GLI2: variants seen among roughly 807,000 people sequenced by gnomAD.
GLI2 encodes the protein transcription activator GLI2.
A neutral mutation model predicts 78.9 loss-of-function variants in GLI2; 22 were observed. The ratio of observed to expected loss-of-function variants is 0.28; its 90% CI spans 0.20 to 0.40. The LOEUF (loss-of-function observed/expected upper bound fraction) is 0.40, where lower values mean the gene tolerates loss of function less well. Among genes scored for constraint, GLI2 ranks in the 10% least tolerant of loss-of-function variants. The probability of loss-of-function intolerance (pLI) is 1.00; values close to 1 mark genes in which losing one functional copy is unlikely to be tolerated. For missense variants in GLI2, 2,097 were observed against 2,213.2 expected (o/e 0.95, Z 1.05); for synonymous variants, 974 against 963.7 (o/e 1.01, Z -0.20).
chr2:120,819,461 A>G (rs1265247842), intron 2 of GLI2, among the ~76,000 whole-genome samples: 1 of 151,884 alleles, frequency 6.6e-6, no homozygotes, highest in Non-Finnish European at 1.5e-5. Flanking sequence ...GCTGGTCTCG[A>G]ACTCCTGACC....
chr2:120,856,164 G>A (rs35651070), intron 2 of GLI2, among the ~76,000 whole-genome samples: 19,871 of 152,124 alleles, frequency 0.13, 1,434 homozygotes, highest in Non-Finnish European at 0.16. Context: ...TGTCCATCCC[G>A]CACTTATTTT....
intron 2 of GLI2, among the ~76,000 whole-genome samples, chr2:120,887,677 G>C (rs1025702464): frequency 5.3e-5 from 8 of 152,218 alleles, no homozygotes; most frequent in Non-Finnish European, 1.0e-4. Context: ...CCATTATCCC[G>C]GAGCGGGGTG....
At chr2:120,984,830 C>T in intron 12 of GLI2, 87 bp downstream of exon 12, 1 of 1,401,420 alleles carries the variant, frequency 7.1e-7, no homozygotes, top group Non-Finnish European at 9.9e-7. Flanking sequence ...GGGCTCTGCC[C>T]TAAGGCCCCC....
At position 120,845,774 on chromosome 2, in the gene GLI2, AAT is replaced by A. The variant is rs569064508; in HGVS notation, c.148+48309_148+48310del. On this transcript the variant is annotated intron_variant, in intron 2 of 13. Transcript: ENST00000361492. ...TCTGTGGCAAATCATCCACTTAGTA[AAT>A]ATTCATTACTTATTAGGTTCCAGGT... 2.4e-3 allele frequency among the ~76,000 whole-genome samples: 372 copies of A among 152,234 alleles called. 4 individuals are homozygous for A. Among genetic ancestry groups the A allele is most frequent in the African/African-American group, 8.5e-3 (354 of 41,544 alleles).
intron 10 of GLI2, among the ~76,000 whole-genome samples, chr2:120,982,445 T>C (rs919207977): frequency 3.0e-4 from 24 of 80,718 alleles, no homozygotes; most frequent in African/African-American, 1.0e-3. Flanking sequence ...TTTAAAGACA[T>C]GTGGAGATGA....
chr2:120,768,361 C>T (rs4848625), intron 1 of GLI2, among the ~76,000 whole-genome samples: 50,221 of 152,108 alleles, frequency 0.33, 9,892 homozygotes, highest in African/African-American at 0.55. Flanking sequence ...GCTCTGCTTG[C>T]AGGGACTTTC....
chr2:120,980,967 G>GCATC (rs1161623456), intron 10 of GLI2, among the ~76,000 whole-genome samples: 4 of 151,536 alleles, frequency 2.6e-5, no homozygotes, highest in African/African-American at 9.7e-5. Context: ...TGCAACATCC[G>GCATC]CATCCCAGGT....
chr2:120,828,739 C>T (rs1343832496), intron 2 of GLI2, among the ~76,000 whole-genome samples: 1 of 151,730 alleles, frequency 6.6e-6, no homozygotes, highest in Non-Finnish European at 1.5e-5. Context: ...TAAAGCTCTC[C>T]TCCAAACAAA....
At chr2:120,852,463 C>G (rs1164026315) in intron 2 of GLI2, among the ~76,000 whole-genome samples, 1 of 152,150 alleles carries the variant, frequency 6.6e-6, no homozygotes, top group Non-Finnish European at 1.5e-5. Context: ...GACAGGACCC[C>G]CAGATGATAT....
chr2:120,986,239 A>T, intron 12 of GLI2, 39 bp from the exon 13 acceptor site: 1 of 1,572,970 alleles, frequency 6.4e-7, no homozygotes, highest in East Asian at 2.2e-5. Context: ...GGAATCTGAT[A>T]CCCTCTGAGT....
intron 1 of GLI2, among the ~76,000 whole-genome samples, chr2:120,773,494 G>C (rs1279489191): frequency 6.6e-6 from 1 of 152,216 alleles, no homozygotes; most frequent in Non-Finnish European, 1.5e-5. Flanking sequence ...TGTTGGCCTT[G>C]TCCCTGCTTT....
rs777942225 is a variant in GLI2 at position 120,990,312 on chromosome 2, C to T, written c.4347C>T (p.Cys1449=). Residue 1449 remains cysteine, a synonymous_variant, in exon 14 of 14, where the codon TGC becomes TGT. Transcript: ENST00000361492. ...QDGGLENLGS[C]QVMRSQPPQP... is the part of the protein sequence containing the mutation. ...GAGGCCTGGAGAACCTCGGGAGCTG[C>T]CAGGTCATGCGGTCCCAGCCACCAC... 2.1e-5 allele frequency: 34 copies of T among 1,613,788 alleles called. No individual in the cohort carries two copies. The highest frequency in any genetic ancestry group is 2.8e-5 in the Non-Finnish European group (33 of 1,180,026).
intron 1 of GLI2, among the ~76,000 whole-genome samples, chr2:120,784,976 A>C (rs1004291329): frequency 2.0e-5 from 3 of 152,164 alleles, no homozygotes; most frequent in African/African-American, 7.2e-5. Flanking sequence ...GAGACTCAAG[A>C]TTGGCACACA....
At chr2:120,889,211 G>A (rs1438147046) in intron 2 of GLI2, among the ~76,000 whole-genome samples, 3 of 152,256 alleles carry the variant, frequency 2.0e-5, no homozygotes, top group Admixed American at 1.3e-4. Context: ...GGTGATGTTA[G>A]CCTGCTGAGA....
At chr2:120,954,800 C>T (rs151285554) in intron 4 of GLI2, among the ~76,000 whole-genome samples, 74 of 152,278 alleles carry the variant, frequency 4.9e-4, no homozygotes, top group African/African-American at 1.4e-3. Flanking sequence ...CCAGGCCTGG[C>T]GCCCCGGCAG....
At chr2:120,839,671 TC>T (rs1236398087) in intron 2 of GLI2, among the ~76,000 whole-genome samples, 1 of 152,210 alleles carries the variant, frequency 6.6e-6, no homozygotes, top group African/African-American at 2.4e-5. Context: ...CAAGAGATTC[TC>T]CCGCCTCAGC....
chr2:120,889,097 C>T (rs1035900332), intron 2 of GLI2, among the ~76,000 whole-genome samples: 10 of 152,162 alleles, frequency 6.6e-5, no homozygotes, highest in Admixed American at 5.2e-4. Flanking sequence ...CAGAACGCAT[C>T]TTTATCTGGT....
intron 3 of GLI2, among the ~76,000 whole-genome samples, chr2:120,930,851 G>A (rs1049006205): frequency 6.6e-6 from 1 of 152,196 alleles, no homozygotes; most frequent in East Asian, 1.9e-4. Flanking sequence ...AAGGGGCCTG[G>A]GTCTTCACCA....
chr2:120,834,941 G>C (rs1488787437), intron 2 of GLI2, among the ~76,000 whole-genome samples: 1 of 152,178 alleles, frequency 6.6e-6, no homozygotes, highest in African/African-American at 2.4e-5. Context: ...AAACCCACAT[G>C]GGTCCTCACT....
Sources: gnomAD v4.1 joint callset for allele counts (sites outside exome capture counted in the v4.1 genomes callset) on GRCh38, gnomAD v4.1.1 for gene constraint, MANE v1.5 for transcripts, NCBI Gene and HGNC (gene_info 2026-07-23, HGNC 2026-07-21) for gene names.